Variants in HRH2 observed in about 807,000 individuals in gnomAD.
HRH2 encodes the protein histamine receptor H2.
HRH2 carries 4 observed loss-of-function variants against 20.1 expected under a neutral mutation model. That is an observed-to-expected ratio of 0.20 (90% CI 0.10 to 0.45). The LOEUF (loss-of-function observed/expected upper bound fraction) is 0.45. Ranked by LOEUF, HRH2 falls within the 20% of genes least tolerant of loss-of-function variation. The pLI is 0.99. For synonymous variants in HRH2, 197 were observed against 200.7 expected (o/e 0.98, Z 0.16); for missense variants, 250 against 461.6 (o/e 0.54, Z 4.20).
chr5:175,686,915 G>A lies in HRH2; in HGVS notation c.1076+2606G>A, dbSNP rs561067722. Among the ~76,000 whole-genome samples the A allele has an allele frequency of 1.7e-4, 26 of 152,312 alleles. 1 individual carries two copies. The highest frequency in any genetic ancestry group is 5.3e-4 in the African/African-American group (22 of 41,578). On this transcript the variant is annotated intron_variant, in intron 2 of 2. Transcript: ENST00000636584. The surrounding 1 kb of genome is among the most constrained non-coding windows in gnomAD (Gnocchi z 4.7). The stretch of plus-strand genomic sequence containing the variant: ...GCCGCAGACTGTCCTCCAGGCTCCC[G>A]GCATGCTGCAGGGTATGAGTGTCCA...
Position 175,677,483 on chromosome 5 carries a change from TCTGA to T in HRH2, c.-525-5222_-525-5219del, listed in dbSNP as rs1755798230. On this transcript the variant is annotated intron_variant, in intron 1 of 2. Coordinates refer to ENST00000636584, the MANE Select transcript of HRH2 (RefSeq NM_001367711.1). This position sits in a 1 kb window ranked among gnomAD's most constrained non-coding sequence, Gnocchi z 4.2. ...TGGGAAGGCCAGGGATCATTTCAGC[TCTGA>T]CTGTCTGGGCTGAAGCCACGTTGGT... Among the ~76,000 whole-genome samples, 7 of 152,320 alleles carry T rather than the reference TCTGA, an allele frequency of 4.6e-5. No individual in the cohort carries two copies. In the South Asian group the frequency reaches 1.5e-3, roughly 32 times the overall value.
At chr5:175,685,600 C>G in intron 2 of HRH2, 1 of 842,820 alleles carries the variant, frequency 1.2e-6, no homozygotes, top group South Asian at 1.5e-5. Context: ...ATGGCACAGC[C>G]CTGGTCTCAG....
At position 175,709,547 on chromosome 5, in the gene HRH2, C is replaced by G. The variant is rs1044751602; in HGVS notation, c.*1576C>G. The G allele has an allele frequency of 6.6e-6, 1 of 152,518 alleles. No homozygotes were observed. Among genetic ancestry groups the G allele is most frequent in the Non-Finnish European group, 1.5e-5 (1 of 68,294 alleles). The allele number at this position is 152,518 out of a possible 1,614,324, so 9.4% of individuals were successfully genotyped here. On this transcript the variant is annotated 3_prime_UTR_variant, in exon 3 of 3. Coordinates refer to ENST00000636584, the MANE Select transcript of HRH2 (RefSeq NM_001367711.1). ...CTGCGTGCCTGCCTTCTCCCTGCAC[C>G]TGCTCTGCTCCCCAGGTCCCTTTCT...
chr5:175,663,856 G>A (rs1762808017), intron 1 of HRH2, among the ~76,000 whole-genome samples: 1 of 152,220 alleles, frequency 6.6e-6, no homozygotes, highest in Non-Finnish European at 1.5e-5. Context: ...ACTACTGTGT[G>A]ACCCTGGGCA....
chr5:175,708,214 C>G lies in HRH2; in HGVS notation c.*243C>G, dbSNP rs1273030427. On this transcript the variant is annotated 3_prime_UTR_variant, in exon 3 of 3. Transcript: ENST00000636584. ...CCGAGTGGGCTGAATCCCATGGGTT[C>G]AAAGCTCACGTTGGTGCTGGCCCTG... The G allele has an allele frequency of 8.4e-6, 3 of 357,066 alleles. No homozygotes were observed. Among genetic ancestry groups the G allele is most frequent in the East Asian group, 4.1e-5 (1 of 24,346 alleles). 22.1% of individuals were successfully genotyped at this position (357,066 alleles called of 1,614,324 possible). A position where few individuals can be genotyped will look rare whatever the true frequency, so the allele number is the denominator to read the frequency against.
intron 2 of HRH2, among the ~76,000 whole-genome samples, chr5:175,695,423 C>T (rs1222292966): frequency 6.6e-6 from 1 of 152,164 alleles, no homozygotes; most frequent in East Asian, 1.9e-4. Context: ...CCAGAGGTCA[C>T]CAGCTCGCGC....
intron 1 of HRH2, among the ~76,000 whole-genome samples, chr5:175,673,727 G>A (rs1198378114): frequency 7.0e-6 from 1 of 142,116 alleles, no homozygotes; most frequent in Non-Finnish European, 1.5e-5. Context: ...TTTTTTTGAC[G>A]GAGTCTCGCT....
intron 2 of HRH2, among the ~76,000 whole-genome samples, chr5:175,695,282 A>C (rs936189620): frequency 6.6e-6 from 1 of 152,004 alleles, no homozygotes; most frequent in South Asian, 2.1e-4. Context: ...ACGCTGATTA[A>C]CCTTGCCAAG....
chr5:175,689,847 C>A (rs975022052), intron 2 of HRH2, among the ~76,000 whole-genome samples: 4 of 152,212 alleles, frequency 2.6e-5, no homozygotes, highest in African/African-American at 9.7e-5. Flanking sequence ...TTCCCAACAA[C>A]CTGGACTGCA....
At chr5:175,679,101 G>T (rs1314559129) in intron 1 of HRH2, among the ~76,000 whole-genome samples, 1 of 152,098 alleles carries the variant, frequency 6.6e-6, no homozygotes, top group Non-Finnish European at 1.5e-5. Flanking sequence ...CTCTTTCTGT[G>T]GAAATCTTCA....
chr5:175,661,609 G>A (rs1317961481), intron 1 of HRH2, among the ~76,000 whole-genome samples: 2 of 152,126 alleles, frequency 1.3e-5, no homozygotes, highest in East Asian at 3.9e-4. Context: ...ATTTAATCAG[G>A]GATCACAGAG....
chr5:175,668,670 C>T (rs899934788), intron 1 of HRH2, among the ~76,000 whole-genome samples: 3 of 152,046 alleles, frequency 2.0e-5, no homozygotes, highest in African/African-American at 4.8e-5. Context: ...GGTGAGGGGC[C>T]GGCTAGGAGG....
intron 2 of HRH2, among the ~76,000 whole-genome samples, chr5:175,697,238 C>T (rs1307260405): frequency 2.0e-5 from 3 of 152,100 alleles, no homozygotes; most frequent in Non-Finnish European, 2.9e-5. Context: ...CCGAGGCGGG[C>T]GGATCACGAG....
chr5:175,670,214 C>G (rs115168866), intron 1 of HRH2, among the ~76,000 whole-genome samples: 1 of 152,304 alleles, frequency 6.6e-6, no homozygotes, highest in Non-Finnish European at 1.5e-5. Context: ...AGAAGGATCT[C>G]TTGAGCCCAG....
intron 1 of HRH2, among the ~76,000 whole-genome samples, chr5:175,669,329 A>G (rs1755431993): frequency 6.6e-6 from 1 of 150,386 alleles, no homozygotes; most frequent in East Asian, 1.9e-4. Context: ...AATCCAAGGC[A>G]TCCTGGAACT....
At chr5:175,695,246 C>A (rs1245639308) in intron 2 of HRH2, among the ~76,000 whole-genome samples, 3 of 152,108 alleles carry the variant, frequency 2.0e-5, no homozygotes, top group African/African-American at 7.2e-5. Context: ...TAGAGTCAGA[C>A]TTCAGGGAGC....
At chr5:175,668,014 CCT>C (rs925648195) in intron 1 of HRH2, among the ~76,000 whole-genome samples, 2 of 152,210 alleles carry the variant, frequency 1.3e-5, no homozygotes, top group Non-Finnish European at 2.9e-5. Flanking sequence ...ATCATTCTCT[CCT>C]CTCTACTGCT....
At position 175,693,093 on chromosome 5, in the gene HRH2, A is replaced by T. The variant is rs1456467273; in HGVS notation, c.1076+8784A>T. On this transcript the variant is annotated intron_variant, in intron 2 of 2. Coordinates refer to ENST00000636584, the MANE Select transcript of HRH2 (RefSeq NM_001367711.1). This position sits in a 1 kb window ranked among gnomAD's most constrained non-coding sequence, Gnocchi z 4.4. Reference sequence around the variant, plus strand: ...GGCTGTGTGAGCTTGGAGAGATCGCATCCCTCTCTGAGTCCCAATTTCCCC... The same window carrying T: ...GGCTGTGTGAGCTTGGAGAGATCGCTTCCCTCTCTGAGTCCCAATTTCCCC... Among the ~76,000 whole-genome samples the T allele has an allele frequency of 6.6e-6, 1 of 152,138 alleles. No homozygotes were observed. Among genetic ancestry groups the T allele is most frequent in the African/African-American group, 2.4e-5 (1 of 41,424 alleles).
intron 1 of HRH2, among the ~76,000 whole-genome samples, chr5:175,682,106 C>T (rs1177247613): frequency 6.6e-6 from 1 of 152,236 alleles, no homozygotes; most frequent in African/African-American, 2.4e-5. Flanking sequence ...GCTCTTCTGT[C>T]GGCACGTCAT....
Sources: allele counts gnomAD v4.1 joint callset (sites outside exome capture counted in the v4.1 genomes callset), GRCh38; gene constraint gnomAD v4.1.1; non-coding constraint Gnocchi (gnomAD v3.1); transcripts MANE v1.5; gene names NCBI Gene and HGNC (gene_info 2026-07-23, HGNC 2026-07-21).